GPN1: variants seen among roughly 807,000 people sequenced by gnomAD.
GPN1 encodes the protein ATP(GTP)-binding protein.
A neutral mutation model predicts 55.9 loss-of-function variants in GPN1; 44 were observed. The ratio of observed to expected loss-of-function variants is 0.79; its 90% CI spans 0.62 to 1.01. The LOEUF is 1.01. Among genes scored for constraint, GPN1 ranks in the 50% least tolerant of loss-of-function variants. The pLI, the probability that GPN1 is intolerant of heterozygous loss-of-function variation, is 0.00. For synonymous variants in GPN1, 179 were observed against 162.5 expected (o/e 1.10, Z -0.77); for missense variants, 466 against 462.8 (o/e 1.01, Z -0.06).
intron 12 of GPN1, among the ~76,000 whole-genome samples, chr2:27,646,601 C>T (rs1674246035): frequency 1.3e-5 from 2 of 152,116 alleles, no homozygotes. Context: ...AGGGACTGCC[C>T]TCAAGATTCA....
intron 8 of GPN1, among the ~76,000 whole-genome samples, chr2:27,638,580 T>A (rs754151608): frequency 2.6e-5 from 4 of 152,184 alleles, no homozygotes; most frequent in Admixed American, 6.5e-5. Context: ...AACTTCTCTG[T>A]TGGTTGATGG....
intron 8 of GPN1, 143 bp from the exon 9 acceptor site, chr2:27,638,742 T>A (rs752785341): frequency 1.1e-4 from 70 of 651,666 alleles, no homozygotes; most frequent in Non-Finnish European, 1.7e-4. Flanking sequence ...TGGTTCTTTG[T>A]GGCTTGTTGC....
intron 7 of GPN1, among the ~76,000 whole-genome samples, chr2:27,636,403 C>T (rs556329504): frequency 4.9e-4 from 75 of 152,260 alleles, no homozygotes; most frequent in African/African-American, 1.6e-3. Context: ...CAAGGGATGT[C>T]CCTTTTTGGT....
At chr2:27,639,932 C>A (rs1673871575) in intron 9 of GPN1, 111 bp from the exon 10 acceptor site, 1 of 807,952 alleles carries the variant, frequency 1.2e-6, no homozygotes, top group Non-Finnish European at 2.1e-6. Flanking sequence ...AAAGACTTCT[C>A]AAAATATAAA....
At chr2:27,648,070 A>T (rs1265455588) in intron 13 of GPN1, 127 bp downstream of exon 13, 4 of 637,624 alleles carry the variant, frequency 6.3e-6, no homozygotes, top group Non-Finnish European at 8.5e-6. Flanking sequence ...ACCAGAAAAG[A>T]GTTTCCTATA....
At chr2:27,641,491 A>G (rs1450480875) in intron 11 of GPN1, among the ~76,000 whole-genome samples, 1 of 152,174 alleles carries the variant, frequency 6.6e-6, no homozygotes, top group Non-Finnish European at 1.5e-5. Flanking sequence ...ATTTGTATGT[A>G]TGTTGTCTGG....
chr2:27,650,098 C>T lies in GPN1; in HGVS notation c.1040-17C>T. On this transcript the variant is annotated splice_polypyrimidine_tract_variant and intron_variant, in intron 13 of 13. Transcript: ENST00000610189. The stretch of plus-strand genomic sequence containing the variant: ...TAATGAAAGAGTTGAAAAAGAATTG[C>T]CCTTTTTTCCTTGCAGTTACAGAGG... 3.5e-6 allele frequency: 5 copies of T among 1,436,428 alleles called. No individual in the cohort carries two copies. Among genetic ancestry groups the T allele is most frequent in the Non-Finnish European group, 4.9e-6 (5 of 1,018,396 alleles). 89.0% of individuals were successfully genotyped at this position (1,436,428 alleles called of 1,614,324 possible).
At chr2:27,637,149 G>A (rs372742321) in intron 7 of GPN1, among the ~76,000 whole-genome samples, 3 of 152,030 alleles carry the variant, frequency 2.0e-5, no homozygotes, top group African/African-American at 7.3e-5. Context: ...ACTGTTGATT[G>A]GAAACCTTGC....
intron 7 of GPN1, 57 bp from the exon 8 acceptor site, chr2:27,638,153 T>C: frequency 1.1e-6 from 1 of 903,752 alleles, no homozygotes; most frequent in Non-Finnish European, 1.9e-6. Flanking sequence ...ATGCTGACAC[T>C]GGATGAGCAA....
At chr2:27,635,113 A>G in intron 6 of GPN1, 27 bp from the exon 7 acceptor site, 1 of 1,358,324 alleles carries the variant, frequency 7.4e-7, no homozygotes, top group Non-Finnish European at 1.1e-6. Context: ...CCCTCTGACC[A>G]AGGCTTTGAT....
At chr2:27,632,336 A>G (rs926302642) in intron 4 of GPN1, among the ~76,000 whole-genome samples, 1 of 152,242 alleles carries the variant, frequency 6.6e-6, no homozygotes, top group Non-Finnish European at 1.5e-5. Flanking sequence ...ATGTTAGGCC[A>G]TGAGACAGGC....
rs1674514448 is a variant in GPN1, at chr2:27,651,054, A to AAAGT, written c.*855_*858dup. On this transcript the variant is annotated 3_prime_UTR_variant, in exon 14 of 14. Transcript: ENST00000610189. ...TTGTATTGTACTCTGAACTTAATGC[A>AAAGT]AAGTCTCCTTGGTGATTTTCGCAAA... is the stretch of plus-strand genomic sequence containing the variant. The AAAGT allele has an allele frequency of 6.6e-6, 1 of 152,376 alleles. No individual in the cohort carries two copies. Among genetic ancestry groups the AAAGT allele is most frequent in the African/African-American group, 2.4e-5 (1 of 41,464 alleles). 9.4% of individuals were successfully genotyped at this position (152,376 alleles called of 1,614,324 possible).
Position 27,631,884 on chromosome 2 carries a change from C to A in GPN1, c.296C>A (p.Ala99Asp). ...GGIVTSLNLF[A>D]TRFDQVMKFI... ...ATAGTGACCTCACTCAATCTCTTTG[C>A]TACCAGATTTGATCAGGTATATCTG... The change falls in exon 4 of 14, where the codon GCT (alanine) becomes GAT (aspartate). Residue 99 changes from alanine to aspartate, a missense_variant. Coordinates refer to ENST00000610189, the MANE Select transcript of GPN1 (RefSeq NM_007266.4). 6.3e-7 allele frequency: 1 copy of A among 1,588,788 alleles called. No individual in the cohort carries two copies. The highest frequency in any genetic ancestry group is 8.6e-7 in the Non-Finnish European group (1 of 1,156,862).
rs1221748983 is a variant in GPN1, at chr2:27,638,225, C to T, written c.540C>T (p.Thr180=). 1 of 1,572,676 alleles carries T rather than the reference C, an allele frequency of 6.4e-7. No homozygotes were observed. The highest frequency in any genetic ancestry group is 8.8e-7 in the Non-Finnish European group (1 of 1,142,468). ...TGGTTTTCAGCATCTTATACAAAAC[C>T]AAGCTGCCTTTCATTGTGGTCATGA... ...MLYACSILYK[T]KLPFIVVMNK... The change falls in exon 8 of 14, where the codon ACC becomes ACT. Residue 180 remains threonine, a synonymous_variant. Transcript: ENST00000610189.
chr2:27,631,177 G>A, intron 3 of GPN1, 111 bp downstream of exon 3: 1 of 679,748 alleles, frequency 1.5e-6, no homozygotes, highest in East Asian at 2.7e-5. Flanking sequence ...ACAAGCAAAA[G>A]GATGGAAGCT....
In GPN1 at chr2:27,650,652, GA is replaced by G; in HGVS notation, c.*456del. On this transcript the variant is annotated 3_prime_UTR_variant, in exon 14 of 14. Transcript: ENST00000610189. The stretch of plus-strand genomic sequence containing the variant: ...AGTTGCCCTTCTATTAGCAGCCAAG[GA>G]AAAGGGAAACATGAGCTTATCCAGA... 1 of 154,286 alleles carries G rather than the reference GA, an allele frequency of 6.5e-6. No homozygotes were observed. The highest frequency in any genetic ancestry group is 1.4e-5 in the Non-Finnish European group (1 of 69,098). 9.6% of individuals were successfully genotyped at this position (154,286 alleles called of 1,614,324 possible).
At chr2:27,631,353 A>G (rs1673545308) in intron 3 of GPN1, 3 of 481,058 alleles carry the variant, frequency 6.2e-6, no homozygotes, top group Admixed American at 7.8e-5. Context: ...TTGGAGGATC[A>G]TCTGTTGGTC....
At chr2:27,629,390 G>A in intron 1 of GPN1, 2 of 1,551,312 alleles carry the variant, frequency 1.3e-6, no homozygotes, top group Non-Finnish European at 1.7e-6. Context: ...ACTCGGTCCA[G>A]CTTACCACGT....
intron 13 of GPN1, 139 bp from the exon 14 acceptor site, chr2:27,649,976 G>T: frequency 1.7e-6 from 1 of 574,468 alleles, no homozygotes; most frequent in Non-Finnish European, 3.2e-6. Flanking sequence ...CATGCTTCTA[G>T]GAGACATTTC....
Sources: gnomAD v4.1 joint callset for allele counts (sites outside exome capture counted in the v4.1 genomes callset) on GRCh38, gnomAD v4.1.1 for gene constraint, MANE v1.5 for transcripts, NCBI Gene and HGNC (gene_info 2026-07-23, HGNC 2026-07-21) for gene names.